The following ELMO1 variants were observed in gnomAD, a reference collection of about 807,000 sequenced individuals.
The protein encoded by ELMO1 is engulfment and cell motility 1.
In ELMO1, 26 loss-of-function variants were observed where a neutral mutation model predicts 98.9. The observed-to-expected ratio is 0.26, with a 90% CI of 0.19 to 0.36. ELMO1 has a LOEUF of 0.36. Among genes scored for constraint, ELMO1 ranks in the 10% least tolerant of loss-of-function variants. The pLI, the probability that ELMO1 is intolerant of heterozygous loss-of-function variation, is 1.00. For missense variants in ELMO1, 627 were observed against 935.2 expected (o/e 0.67, Z 4.30); for synonymous variants, 346 against 346.0 (o/e 1.00, Z 0.00).
intron 1 of ELMO1, among the ~76,000 whole-genome samples, chr7:37,365,556 A>G (rs781197083): frequency 7.1e-6 from 1 of 140,996 alleles, no homozygotes; most frequent in Non-Finnish European, 1.5e-5. Context: ...CCAACTACTC[A>G]TCTCAGTCAT....
chr7:37,123,515 A>C (rs926188013), intron 14 of ELMO1, among the ~76,000 whole-genome samples: 1 of 152,180 alleles, frequency 6.6e-6, no homozygotes, highest in East Asian at 1.9e-4. Flanking sequence ...ACACCTCTAC[A>C]TAAATAAACT....
chr7:37,271,915 C>T, intron 4 of ELMO1, 33 bp from the exon 5 acceptor site: 1 of 1,598,266 alleles, frequency 6.3e-7, no homozygotes, highest in Non-Finnish European at 8.6e-7. Flanking sequence ...TGTAAATTTT[C>T]AAGTAGAAGC....
At chr7:37,375,831 G>C in intron 1 of ELMO1, 2 of 785,658 alleles carry the variant, frequency 2.5e-6, no homozygotes, top group Non-Finnish European at 4.4e-6. Flanking sequence ...AGACTGGCAG[G>C]CCTCGGCCTA....
chr7:37,058,122 G>C (rs771764081), intron 15 of ELMO1, among the ~76,000 whole-genome samples: 1 of 152,182 alleles, frequency 6.6e-6, no homozygotes, highest in Admixed American at 6.5e-5. Context: ...CATATGACTG[G>C]CTACTGAACA....
chr7:37,203,209 G>A (rs1373957736), intron 13 of ELMO1, among the ~76,000 whole-genome samples: 1 of 152,146 alleles, frequency 6.6e-6, no homozygotes, highest in Non-Finnish European at 1.5e-5. Context: ...AAAGAGGACT[G>A]AGCAAAATTG....
At chr7:37,292,717 GC>G (rs1797778564) in intron 4 of ELMO1, among the ~76,000 whole-genome samples, 4 of 83,332 alleles carry the variant, frequency 4.8e-5, no homozygotes, top group African/African-American at 1.6e-4. Context: ...CCCGGCAGCC[GC>G]CCCGTCCGGG....
intron 4 of ELMO1, among the ~76,000 whole-genome samples, chr7:37,309,968 C>T (rs1171350316): frequency 1.3e-5 from 2 of 152,200 alleles, no homozygotes; most frequent in African/African-American, 4.8e-5. Flanking sequence ...GGAATCATCT[C>T]CTGACCAGAA....
chr7:37,203,315 T>C (rs1262382766), intron 13 of ELMO1, among the ~76,000 whole-genome samples: 3 of 152,136 alleles, frequency 2.0e-5, no homozygotes, highest in Admixed American at 6.5e-5. Context: ...CCTATAAAGA[T>C]GTTATGCCCG....
intron 1 of ELMO1, among the ~76,000 whole-genome samples, chr7:37,395,226 G>A (rs1803244080): frequency 6.6e-6 from 1 of 152,022 alleles, no homozygotes; most frequent in Non-Finnish European, 1.5e-5. Context: ...AATTAGCTGG[G>A]CGTAGTAGTG....
chr7:37,245,353 C>G (rs1484653157), intron 6 of ELMO1, among the ~76,000 whole-genome samples: 1 of 152,120 alleles, frequency 6.6e-6, no homozygotes, highest in Non-Finnish European at 1.5e-5. Flanking sequence ...TGAGGCACAT[C>G]CAGAGTAGGG....
chr7:36,882,495 A>C (rs1041246724), intron 18 of ELMO1, among the ~76,000 whole-genome samples: 3 of 152,188 alleles, frequency 2.0e-5, no homozygotes, highest in Non-Finnish European at 4.4e-5. Context: ...AGCTTTCTTT[A>C]AAAGGACAGA....
chr7:36,935,190 T>G (rs895921956), intron 16 of ELMO1, among the ~76,000 whole-genome samples: 6 of 152,108 alleles, frequency 3.9e-5, no homozygotes, highest in African/African-American at 1.4e-4. Context: ...TCTCACGAGA[T>G]CAGATGGTTT....
At chr7:37,076,655 G>A (rs1485377647) in intron 15 of ELMO1, among the ~76,000 whole-genome samples, 1 of 152,188 alleles carries the variant, frequency 6.6e-6, no homozygotes, top group Non-Finnish European at 1.5e-5. Flanking sequence ...AAAGAATCTG[G>A]GGCTCCATCC....
chr7:36,923,096 T>G, intron 16 of ELMO1, among the ~76,000 whole-genome samples: 1 of 152,182 alleles, frequency 6.6e-6, no homozygotes, highest in Non-Finnish European at 1.5e-5. Context: ...CCATGGAAGC[T>G]CCTTCTGTGG....
At chr7:37,019,475 C>A (rs919736028) in intron 15 of ELMO1, among the ~76,000 whole-genome samples, 5 of 152,194 alleles carry the variant, frequency 3.3e-5, no homozygotes, top group African/African-American at 4.8e-5. Context: ...TGGGCCAACA[C>A]GGTGGCCATG....
At chr7:37,077,188 A>G (rs1797628728) in intron 15 of ELMO1, among the ~76,000 whole-genome samples, 1 of 152,194 alleles carries the variant, frequency 6.6e-6, no homozygotes, top group African/African-American at 2.4e-5. Context: ...GCGGGAGAAA[A>G]GCTGCAAAGA....
chr7:37,397,239 T>C (rs1803334919), intron 1 of ELMO1, among the ~76,000 whole-genome samples: 1 of 152,260 alleles, frequency 6.6e-6, no homozygotes. Flanking sequence ...ACCTCTCAAA[T>C]TAGACTTTGT....
chr7:37,288,822 G>A (rs1463314429), intron 4 of ELMO1, among the ~76,000 whole-genome samples: 2 of 152,148 alleles, frequency 1.3e-5, no homozygotes, highest in Non-Finnish European at 2.9e-5. Context: ...AAATCTGGTT[G>A]TTTATAAACA....
At chr7:37,355,411 C>T (rs560935528) in intron 1 of ELMO1, among the ~76,000 whole-genome samples, 1 of 152,320 alleles carries the variant, frequency 6.6e-6, no homozygotes, top group Admixed American at 6.5e-5. Flanking sequence ...TCTCATGAAA[C>T]ACACAGAAGC....
Sources: gnomAD v4.1 joint callset for allele counts (sites outside exome capture counted in the v4.1 genomes callset) on GRCh38, gnomAD v4.1.1 for gene constraint, MANE v1.5 for transcripts, NCBI Gene and HGNC (gene_info 2026-07-23, HGNC 2026-07-21) for gene names.